Variants in CALN1 observed in about 807,000 individuals in gnomAD.
The protein encoded by CALN1 is calneuron 1, also known as calcium-binding protein 8.
In CALN1, 17 loss-of-function variants were observed where a neutral mutation model predicts 30.6. The ratio of observed to expected loss-of-function variants is 0.56; its 90% CI spans 0.38 to 0.83. The LOEUF (loss-of-function observed/expected upper bound fraction) is 0.83. Ranked by LOEUF, CALN1 falls within the 40% of genes least tolerant of loss-of-function variation. The pLI is 0.00. For synonymous variants in CALN1, 156 were observed against 131.4 expected (o/e 1.19, Z -1.28); for missense variants, 291 against 354.9 (o/e 0.82, Z 1.45).
chr7:72,434,213 A>G (rs549397046), intron 1 of CALN1, among the ~76,000 whole-genome samples: 29 of 151,956 alleles, frequency 1.9e-4, no homozygotes, highest in Non-Finnish European at 3.5e-4. Flanking sequence ...GGATAAAAAT[A>G]ATTTACCAGC....
At chr7:72,370,298 G>T (rs1180591311) in intron 2 of CALN1, among the ~76,000 whole-genome samples, 2 of 151,722 alleles carry the variant, frequency 1.3e-5, no homozygotes, top group African/African-American at 4.8e-5. Context: ...TTTTTATCTT[G>T]TGCTCATGTC....
chr7:71,926,682 T>A (rs73185091), intron 5 of CALN1, among the ~76,000 whole-genome samples: 29,260 of 152,134 alleles, frequency 0.19, 2,985 homozygotes, highest in Non-Finnish European at 0.23. Context: ...CTATATTTTT[T>A]AAAATTTATT....
chr7:71,860,649 T>C (rs1002173899), intron 5 of CALN1, among the ~76,000 whole-genome samples: 1 of 152,150 alleles, frequency 6.6e-6, no homozygotes, highest in African/African-American at 2.4e-5. Flanking sequence ...AGTTATGACA[T>C]GCCCCATAAA....
chr7:72,267,148 A>G (rs1796650776), intron 3 of CALN1, among the ~76,000 whole-genome samples: 1 of 152,202 alleles, frequency 6.6e-6, no homozygotes, highest in African/African-American at 2.4e-5. Context: ...TCCTCTTAGA[A>G]AGCCTGTAGA....
At chr7:72,220,991 GT>G (rs1381399135) in intron 3 of CALN1, among the ~76,000 whole-genome samples, 1 of 143,350 alleles carries the variant, frequency 7.0e-6, no homozygotes, top group East Asian at 1.9e-4. Flanking sequence ...CATTTTGTAG[GT>G]TGCCTGTTCA....
chr7:71,910,480 G>T (rs2116997345), intron 5 of CALN1, among the ~76,000 whole-genome samples: 1 of 152,294 alleles, frequency 6.6e-6, no homozygotes, highest in African/African-American at 2.4e-5. Context: ...TGTTTGTTCT[G>T]GCTGTCCTGC....
At chr7:72,067,980 T>C (rs1804140361) in intron 4 of CALN1, among the ~76,000 whole-genome samples, 1 of 152,230 alleles carries the variant, frequency 6.6e-6, no homozygotes, top group East Asian at 1.9e-4. Flanking sequence ...TGTATCTTAG[T>C]CATTATTTAC....
At chr7:71,874,811 G>A (rs572702070) in intron 5 of CALN1, among the ~76,000 whole-genome samples, 20 of 152,160 alleles carry the variant, frequency 1.3e-4, no homozygotes, top group South Asian at 1.0e-3. Context: ...CTCAGGAGCC[G>A]AGTCCAGCAG....
intron 3 of CALN1, among the ~76,000 whole-genome samples, chr7:72,207,372 C>T (rs1396422275): frequency 2.6e-5 from 4 of 152,166 alleles, no homozygotes; most frequent in African/African-American, 7.2e-5. Flanking sequence ...CTTGAACACC[C>T]TCATTGGCCA....
intron 5 of CALN1, among the ~76,000 whole-genome samples, chr7:71,981,132 T>C (rs770746453): frequency 4.6e-5 from 7 of 152,178 alleles, no homozygotes; most frequent in African/African-American, 7.2e-5. Flanking sequence ...TTATCCATGG[T>C]TCCTGGTCCA....
chr7:71,970,569 A>G (rs896108434), intron 5 of CALN1, among the ~76,000 whole-genome samples: 29 of 151,816 alleles, frequency 1.9e-4, no homozygotes, highest in African/African-American at 6.8e-4. Flanking sequence ...TGGGACTTGT[A>G]TCTGCAAAAT....
At chr7:71,952,388 A>G (rs1562931048) in intron 5 of CALN1, among the ~76,000 whole-genome samples, 1 of 152,118 alleles carries the variant, frequency 6.6e-6, no homozygotes, top group East Asian at 1.9e-4. Flanking sequence ...TAATATGATA[A>G]TAACTCCACA....
intron 3 of CALN1, among the ~76,000 whole-genome samples, chr7:72,127,548 G>C (rs181619766): frequency 6.6e-6 from 1 of 152,204 alleles, no homozygotes; most frequent in African/African-American, 2.4e-5. Flanking sequence ...TGACAGCAGC[G>C]GAGGAGGGAA....
At chr7:72,289,211 T>A (rs1022364632) in intron 2 of CALN1, among the ~76,000 whole-genome samples, 1 of 152,340 alleles carries the variant, frequency 6.6e-6, no homozygotes, top group South Asian at 2.1e-4. Context: ...TTTTCAGATA[T>A]AGGTGCTCTC....
chr7:72,385,224 G>T (rs117972644), intron 2 of CALN1, among the ~76,000 whole-genome samples: 2,155 of 152,262 alleles, frequency 0.014, 22 homozygotes, highest in Middle Eastern at 0.031. Context: ...AGTCACTTTG[G>T]GAGACAATTT....
intron 5 of CALN1, among the ~76,000 whole-genome samples, chr7:71,911,558 A>G (rs190863373): frequency 2.0e-5 from 3 of 152,282 alleles, no homozygotes; most frequent in Admixed American, 2.0e-4. Flanking sequence ...AAAGTAAATT[A>G]TTATTATAAA....
chr7:72,488,709 G>T, the CALN1 span, among the ~76,000 whole-genome samples: 2 of 152,012 alleles, frequency 1.3e-5, no homozygotes, highest in Non-Finnish European at 2.9e-5. Flanking sequence ...TTAGATATAG[G>T]ATCTCACTCT....
intron 2 of CALN1, among the ~76,000 whole-genome samples, chr7:72,393,331 G>A (rs1163319206): frequency 1.3e-5 from 2 of 152,062 alleles, no homozygotes; most frequent in Non-Finnish European, 2.9e-5. Context: ...GGGCATGGTG[G>A]CGGGCACCTG....
At chr7:72,447,780 C>T (rs373285262), upstream of CALN1, among the ~76,000 whole-genome samples, 29 of 151,828 alleles carry the variant, frequency 1.9e-4, no homozygotes, top group Admixed American at 5.3e-4. Context: ...CCCATGTACA[C>T]ACACATGCCT....
Sources: allele counts gnomAD v4.1 joint callset (sites outside exome capture counted in the v4.1 genomes callset), GRCh38; gene constraint gnomAD v4.1.1; transcripts MANE v1.5; gene names NCBI Gene and HGNC (gene_info 2026-07-23, HGNC 2026-07-21).